CNTN1: variants seen among roughly 807,000 people sequenced by gnomAD.
CNTN1 encodes contactin-1.
In CNTN1, 38 loss-of-function variants were observed where a neutral mutation model predicts 126.4. That is an observed-to-expected ratio of 0.30 (90% CI 0.23 to 0.39). The LOEUF is 0.39. Among genes scored for constraint, CNTN1 ranks in the 10% least tolerant of loss-of-function variants. The pLI is 1.00. For missense variants in CNTN1, 1,009 were observed against 1,248.4 expected (o/e 0.81, Z 2.89); for synonymous variants, 413 against 422.6 (o/e 0.98, Z 0.28).
intron 4 of CNTN1, 147 bp from the exon 5 acceptor site, chr12:40,922,109 G>C (rs73111370): frequency 1.7e-5 from 12 of 693,146 alleles, no homozygotes; most frequent in Non-Finnish European, 2.8e-5. Context: ...CAGAATCATA[G>C]AGTACAAAGA....
At chr12:40,850,425 T>A (rs67410126) in intron 1 of CNTN1, among the ~76,000 whole-genome samples, 2 of 152,110 alleles carry the variant, frequency 1.3e-5, no homozygotes, top group Admixed American at 6.6e-5. Context: ...TGCAGGGCTA[T>A]CCAGAAGGAG....
chr12:40,910,108 A>G lies in CNTN1; in HGVS notation c.94+3A>G. The G allele has an allele frequency of 6.2e-7, 1 of 1,601,090 alleles. No homozygotes were observed. Among genetic ancestry groups the G allele is most frequent in the Non-Finnish European group, 8.6e-7 (1 of 1,169,082 alleles). On this transcript the variant is annotated splice_donor_region_variant and intron_variant, in intron 3 of 23. Transcript: ENST00000551295. ...GTATAGAAGATATGGTCATGGAGGT[A>G]AGTTGACCAAAGAGTAGACCTTGTA...
intron 3 of CNTN1, among the ~76,000 whole-genome samples, chr12:40,911,839 C>T (rs1945048953): frequency 6.6e-6 from 1 of 152,174 alleles, no homozygotes; most frequent in Non-Finnish European, 1.5e-5. Context: ...AAGCCCATCG[C>T]TAGCAAGAGT....
At chr12:40,884,666 A>G (rs1362670306) in intron 1 of CNTN1, among the ~76,000 whole-genome samples, 2 of 151,566 alleles carry the variant, frequency 1.3e-5, no homozygotes, top group African/African-American at 4.8e-5. Flanking sequence ...TATATACAGC[A>G]TTAAGTTGCA....
chr12:41,040,212 CA>C (rs374251739), intron 23 of CNTN1, among the ~76,000 whole-genome samples: 34 of 152,198 alleles, frequency 2.2e-4, no homozygotes, highest in African/African-American at 7.9e-4. Flanking sequence ...AGAAGTGTGT[CA>C]AAAGTCTTTC....
intron 1 of CNTN1, among the ~76,000 whole-genome samples, chr12:40,731,863 C>T (rs1942508388): frequency 1.3e-5 from 2 of 151,856 alleles, no homozygotes; most frequent in Admixed American, 1.3e-4. Flanking sequence ...CTGACTGGGG[C>T]TCTTTTGGGT....
chr12:40,803,137 T>C, intron 1 of CNTN1, among the ~76,000 whole-genome samples: 1 of 151,976 alleles, frequency 6.6e-6, no homozygotes, highest in East Asian at 1.9e-4. Flanking sequence ...CAGTCAGAAT[T>C]GTGTAAGCTG....
At chr12:41,028,728 C>A (rs920592699) in intron 22 of CNTN1, among the ~76,000 whole-genome samples, 1 of 152,072 alleles carries the variant, frequency 6.6e-6, no homozygotes, top group African/African-American at 2.4e-5. Context: ...AATTTTCAGA[C>A]CATTTCAATA....
chr12:40,929,657 T>C, intron 6 of CNTN1, 139 bp from the exon 7 acceptor site: 2 of 685,656 alleles, frequency 2.9e-6, no homozygotes, highest in South Asian at 1.6e-5. Context: ...GTGTGCACTG[T>C]TTGTCTTGGC....
chr12:40,694,027 C>A (rs573803135), intron 1 of CNTN1, among the ~76,000 whole-genome samples: 2 of 152,268 alleles, frequency 1.3e-5, no homozygotes, highest in African/African-American at 4.8e-5. Context: ...TACATATGAA[C>A]CTTACCAGCC....
chr12:40,725,664 G>A lies in CNTN1; in HGVS notation c.-77+33072G>A, dbSNP rs116401436. Among the ~76,000 whole-genome samples, 710 of 152,146 alleles carry A rather than the reference G, an allele frequency of 4.7e-3. 3 individuals carry two copies. Among genetic ancestry groups the A allele is most frequent in the African/African-American group, 0.016 (679 of 41,504 alleles). The stretch of plus-strand genomic sequence containing the variant: ...ATCTAATTTCAACAAGTGCCAATTA[G>A]CAAACACAGTTGACCTAATCACGAG... On this transcript the variant is annotated intron_variant, in intron 1 of 23. Transcript: ENST00000551295.
intron 17 of CNTN1, among the ~76,000 whole-genome samples, chr12:40,998,813 T>C (rs949571137): frequency 6.6e-6 from 1 of 152,072 alleles, no homozygotes; most frequent in African/African-American, 2.4e-5. Flanking sequence ...CTAAAAAAAT[T>C]GTATTAAATC....
chr12:41,043,893 G>C (rs1174627978), intron 23 of CNTN1, among the ~76,000 whole-genome samples: 6 of 145,528 alleles, frequency 4.1e-5, no homozygotes, highest in Non-Finnish European at 7.5e-5. Flanking sequence ...GTAAACTATC[G>C]CAAGGACAAA....
chr12:40,950,017 T>A (rs1337746663), intron 14 of CNTN1, among the ~76,000 whole-genome samples: 2 of 151,812 alleles, frequency 1.3e-5, no homozygotes, highest in Non-Finnish European at 2.9e-5. Flanking sequence ...CACAGGGAGA[T>A]CGTGGAAGCC....
rs527808788 is a variant in CNTN1, at chr12:40,801,198, C to T, written c.-76-107159C>T. 4.6e-5 allele frequency among the ~76,000 whole-genome samples: 7 copies of T among 151,860 alleles called. No individual in the cohort carries two copies. In the East Asian group the frequency reaches 9.7e-4, roughly 21 times the overall value. ...CAGTTCTAGATGGTCAACTCCATCA[C>T]GGTAAATGGTAATTCAAAATTTAAA... On this transcript the variant is annotated intron_variant, in intron 1 of 23. Coordinates refer to ENST00000551295, the MANE Select transcript of CNTN1 (RefSeq NM_001843.4).
chr12:40,718,472 C>G (rs1003456134), intron 1 of CNTN1, among the ~76,000 whole-genome samples: 4 of 152,300 alleles, frequency 2.6e-5, no homozygotes, highest in African/African-American at 7.2e-5. Flanking sequence ...AGCCATCATT[C>G]CCAGTGTTTT....
chr12:40,774,175 G>T (rs1016114514), intron 1 of CNTN1, among the ~76,000 whole-genome samples: 2 of 151,522 alleles, frequency 1.3e-5, no homozygotes. Flanking sequence ...AGTTGATCAG[G>T]GAAGAGAGAA....
chr12:40,981,009 T>G lies in CNTN1; in HGVS notation c.1905T>G (p.Ser635=), dbSNP rs1947805695. The change falls in exon 16 of 24, where the codon TCT becomes TCG. Residue 635 remains serine (S), a synonymous_variant. Transcript: ENST00000551295. ...GTTCAGACAATCATAGTCCTATTTC[T>G]AAATACACTATCCAGACCAAGACTA... is the stretch of plus-strand genomic sequence containing the variant. The part of the protein sequence containing the change: ...SRGSDNHSPI[S]KYTIQTKTIL... The G allele has an allele frequency of 6.2e-7, 1 of 1,613,650 alleles. No homozygotes were observed. The highest frequency in any genetic ancestry group is 8.5e-7 in the Non-Finnish European group (1 of 1,179,704).
At chr12:40,726,101 G>C (rs568757084) in intron 1 of CNTN1, among the ~76,000 whole-genome samples, 1 of 151,954 alleles carries the variant, frequency 6.6e-6, no homozygotes, top group Non-Finnish European at 1.5e-5. Flanking sequence ...GACTAGGGAG[G>C]GGGAAAGAAT....
Sources: gnomAD v4.1 joint callset for allele counts (sites outside exome capture counted in the v4.1 genomes callset) on GRCh38, gnomAD v4.1.1 for gene constraint, MANE v1.5 for transcripts, NCBI Gene and HGNC (gene_info 2026-07-23, HGNC 2026-07-21) for gene names.